SAMMSON: variants seen among roughly 807,000 people sequenced by gnomAD.
The protein encoded by SAMMSON is survival associated mitochondrial melanoma specific oncogenic non-coding RNA.
At chr3:70,238,654 G>C (rs1701636408) in intron 4 of SAMMSON, among the ~76,000 whole-genome samples, 1 of 151,912 alleles carries the variant, frequency 6.6e-6, no homozygotes, top group African/African-American at 2.4e-5. Flanking sequence ...CCCCCAAAAG[G>C]GGGCCAAGAA....
intron 8 of SAMMSON, among the ~76,000 whole-genome samples, chr3:70,357,479 T>G (rs777461129): frequency 7.2e-5 from 11 of 152,254 alleles, no homozygotes; most frequent in Non-Finnish European, 1.3e-4. Flanking sequence ...TTAAATAAAA[T>G]TTTTTATTTT....
intron 8 of SAMMSON, among the ~76,000 whole-genome samples, chr3:70,357,390 T>C (rs985738656): frequency 6.6e-6 from 1 of 152,190 alleles, no homozygotes; most frequent in Admixed American, 6.5e-5. Flanking sequence ...ACTAACATAG[T>C]GCTTTTATCA....
intron 6 of SAMMSON, among the ~76,000 whole-genome samples, chr3:70,287,277 A>G (rs1702176222): frequency 7.0e-6 from 1 of 142,976 alleles, no homozygotes; most frequent in Non-Finnish European, 1.5e-5. Context: ...AGGGTTGTTG[A>G]ATTTTGTCAA....
At chr3:70,207,918 G>T (rs991689463) in intron 4 of SAMMSON, among the ~76,000 whole-genome samples, 8 of 152,014 alleles carry the variant, frequency 5.3e-5, no homozygotes, top group African/African-American at 1.9e-4. Context: ...TTGGGAGTCT[G>T]CTCTGCAACA....
chr3:70,233,627 C>G (rs960898394), intron 4 of SAMMSON, among the ~76,000 whole-genome samples: 3 of 152,178 alleles, frequency 2.0e-5, no homozygotes. Flanking sequence ...CAGAGTTTCC[C>G]TATGTCCTTT....
chr3:70,349,855 T>C (rs1205813470), intron 7 of SAMMSON, among the ~76,000 whole-genome samples: 1 of 152,160 alleles, frequency 6.6e-6, no homozygotes, highest in African/African-American at 2.4e-5. Flanking sequence ...AGCAAACTCA[T>C]CCTTCTATCA....
intron 4 of SAMMSON, among the ~76,000 whole-genome samples, chr3:70,164,362 A>G (rs2067628247): frequency 6.6e-6 from 1 of 152,058 alleles, no homozygotes. Flanking sequence ...TGTTTAATTA[A>G]TAATGGCTAT....
At chr3:70,104,487 G>A (rs1404059808) in intron 4 of SAMMSON, among the ~76,000 whole-genome samples, 1 of 152,050 alleles carries the variant, frequency 6.6e-6, no homozygotes, top group Non-Finnish European at 1.5e-5. Flanking sequence ...AAAGCCCTAG[G>A]TAATATGTAA....
intron 7 of SAMMSON, among the ~76,000 whole-genome samples, chr3:70,306,594 A>AT (rs1041414429): frequency 6.6e-5 from 10 of 151,264 alleles, no homozygotes; most frequent in African/African-American, 2.4e-4. Context: ...TTTTTTTATC[A>AT]TTTTTTTTCT....
At chr3:70,253,973 A>T (rs1019830974) in intron 6 of SAMMSON, among the ~76,000 whole-genome samples, 2 of 152,212 alleles carry the variant, frequency 1.3e-5, no homozygotes, top group African/African-American at 4.8e-5. Context: ...GGCATAATAT[A>T]GCTAGCTCAG....
chr3:70,364,097 T>A (rs546418125), intron 9 of SAMMSON, among the ~76,000 whole-genome samples: 3 of 151,938 alleles, frequency 2.0e-5, no homozygotes, highest in Admixed American at 6.6e-5. Context: ...ATGTACAGCA[T>A]ATATAGTTTA....
At chr3:70,403,348 C>A (rs1701155514) in intron 2 of SAMMSON, among the ~76,000 whole-genome samples, 1 of 152,106 alleles carries the variant, frequency 6.6e-6, no homozygotes, top group South Asian at 2.1e-4. Flanking sequence ...AATTTGGAAA[C>A]AGGCACAAAA....
At chr3:70,331,119 G>A (rs941269015) in intron 7 of SAMMSON, among the ~76,000 whole-genome samples, 8 of 152,080 alleles carry the variant, frequency 5.3e-5, no homozygotes, top group Non-Finnish European at 8.8e-5. Context: ...ATCCTTCAAC[G>A]TATGAGCTCT....
rs372463244 is a variant in SAMMSON at position 70,427,662 on chromosome 3, C to T, written n.234-34898C>T. Among the ~76,000 whole-genome samples the T allele has an allele frequency of 5.4e-5, 8 of 147,604 alleles. No homozygotes were observed. The South Asian group carries it at 6.4e-4, about 12-fold the overall frequency. On this transcript the variant is annotated intron_variant and non_coding_transcript_variant, in intron 2 of 3. Transcript: ENST00000641053. ...CTGAGGCAGGAGAATGGCATGAACC[C>T]GGGAGGCGGAGCTTGCAGTGAGTCG...
At chr3:70,368,278 G>A (rs1399318177) in intron 9 of SAMMSON, among the ~76,000 whole-genome samples, 2 of 151,388 alleles carry the variant, frequency 1.3e-5, no homozygotes, top group African/African-American at 4.8e-5. Flanking sequence ...AATGATATTT[G>A]TGAAGGTTTT....
intron 7 of SAMMSON, among the ~76,000 whole-genome samples, chr3:70,326,260 A>G (rs2106720064): frequency 6.6e-6 from 1 of 152,216 alleles, no homozygotes; most frequent in South Asian, 2.1e-4. Context: ...TAGGCTGCAA[A>G]TGATGGGTTT....
chr3:70,164,326 A>G (rs945770316), intron 4 of SAMMSON, among the ~76,000 whole-genome samples: 1 of 152,062 alleles, frequency 6.6e-6, no homozygotes, highest in East Asian at 1.9e-4. Flanking sequence ...AAATATGTAT[A>G]GAACCCCTAG....
At chr3:70,214,645 T>C (rs1190085812) in intron 4 of SAMMSON, among the ~76,000 whole-genome samples, 1 of 150,308 alleles carries the variant, frequency 6.7e-6, no homozygotes, top group East Asian at 2.0e-4. Flanking sequence ...GGATAATTAC[T>C]TCAGTTTTCT....
At chr3:70,277,992 T>A (rs1316404181) in intron 6 of SAMMSON, among the ~76,000 whole-genome samples, 1 of 152,106 alleles carries the variant, frequency 6.6e-6, no homozygotes, top group African/African-American at 2.4e-5. Context: ...GCGCAAATCT[T>A]AAGTATATAC....
Sources: allele counts gnomAD v4.1 joint callset (sites outside exome capture counted in the v4.1 genomes callset), GRCh38; gene constraint gnomAD v4.1.1; transcripts MANE v1.5; gene names NCBI Gene and HGNC (gene_info 2026-07-23, HGNC 2026-07-21).